SIPA1L2: variants seen among roughly 807,000 people sequenced by gnomAD.
SIPA1L2 encodes the protein signal induced proliferation associated 1 like 2.
A neutral mutation model predicts 163.9 loss-of-function variants in SIPA1L2; 56 were observed. The ratio of observed to expected loss-of-function variants is 0.34; its 90% CI spans 0.28 to 0.43. The LOEUF is 0.43. Among genes scored for constraint, SIPA1L2 ranks in the 20% least tolerant of loss-of-function variants. The pLI, the probability that SIPA1L2 is intolerant of heterozygous loss-of-function variation, is 1.00. For missense variants in SIPA1L2, 1,974 were observed against 2,193.5 expected, an observed-to-expected ratio of 0.90 and a Z score of 2.00; for synonymous variants, 877 against 865.7, an observed-to-expected ratio of 1.01 and a Z score of -0.23.
intron 1 of SIPA1L2, among the ~76,000 whole-genome samples, chr1:232,581,475 G>C (rs1002667055): frequency 3.3e-5 from 5 of 152,082 alleles, no homozygotes; most frequent in Non-Finnish European, 5.9e-5. Flanking sequence ...GAAAAAAGAG[G>C]CCTTCTGACA....
intron 11 of SIPA1L2, 30 bp from the exon 12 acceptor site, chr1:232,443,715 G>A: frequency 1.3e-6 from 2 of 1,574,004 alleles, no homozygotes; most frequent in Non-Finnish European, 8.7e-7. Context: ...CATTAACAGG[G>A]CACTGAACTA....
chr1:232,614,885 C>A lies in SIPA1L2; in HGVS notation c.-319+14984G>T, dbSNP rs183803174. ...GCATCCTTATCACTAAGTTTTCATTCTTTTGCATGTCTTCATTCAAGAACA... is the reference window on the plus strand; with the variant it reads ...GCATCCTTATCACTAAGTTTTCATTATTTTGCATGTCTTCATTCAAGAACA... On this transcript the variant is annotated intron_variant, in intron 1 of 22. Coordinates refer to ENST00000674635, the MANE Select transcript of SIPA1L2 (RefSeq NM_020808.5). Among the ~76,000 whole-genome samples the A allele has an allele frequency of 3.4e-3, 523 of 152,282 alleles. 3 individuals are homozygous for A. Among genetic ancestry groups the A allele is most frequent in the African/African-American group, 0.012 (501 of 41,562 alleles).
chr1:232,587,422 A>G (rs1015218977), intron 1 of SIPA1L2, among the ~76,000 whole-genome samples: 2 of 152,136 alleles, frequency 1.3e-5, no homozygotes, highest in Non-Finnish European at 2.9e-5. Flanking sequence ...TGTATGTCTT[A>G]AAGTCGTGGT....
intron 1 of SIPA1L2, among the ~76,000 whole-genome samples, chr1:232,605,931 C>A (rs1191319681): frequency 6.6e-6 from 1 of 152,188 alleles, no homozygotes; most frequent in African/African-American, 2.4e-5. Context: ...ATCCATCAGA[C>A]AATGCTGTAG....
intron 2 of SIPA1L2, among the ~76,000 whole-genome samples, chr1:232,526,356 A>G (rs1206754427): frequency 7.2e-6 from 1 of 139,096 alleles, no homozygotes; most frequent in Non-Finnish European, 1.6e-5. Context: ...CATTTTTGGC[A>G]CCAGGAACCG....
At chr1:232,581,628 T>A (rs1346311607) in intron 1 of SIPA1L2, among the ~76,000 whole-genome samples, 2 of 152,178 alleles carry the variant, frequency 1.3e-5, no homozygotes, top group East Asian at 3.9e-4. Context: ...GACACATCTG[T>A]TCAAAACTAT....
intron 2 of SIPA1L2, among the ~76,000 whole-genome samples, chr1:232,532,525 G>A (rs542250208): frequency 6.6e-6 from 1 of 152,294 alleles, no homozygotes; most frequent in South Asian, 2.1e-4. Context: ...TGTAAACTCA[G>A]CTATATGTTC....
chr1:232,416,061 C>G (rs564065152), intron 18 of SIPA1L2, among the ~76,000 whole-genome samples: 1 of 92,766 alleles, frequency 1.1e-5, no homozygotes, highest in East Asian at 2.5e-4. Flanking sequence ...ACTGTCCCTC[C>G]CAGAGTCAGT....
At position 232,462,522 on chromosome 1, in the gene SIPA1L2, G is replaced by A. The variant is rs1014494497; in HGVS notation, c.2821-1361C>T. ...CAATCAGCTTTTCCCAGACAGGCAT[G>A]ACAGTTCACGACTCAGCAAAATGCG... On this transcript the variant is annotated intron_variant, in intron 9 of 22. Coordinates refer to ENST00000674635, the MANE Select transcript of SIPA1L2 (RefSeq NM_020808.5). The A allele has an allele frequency of 2.0e-5, 10 of 492,346 alleles. No individual in the cohort carries two copies. In the East Asian group the frequency reaches 3.3e-4, roughly 16 times the overall value. The allele number at this position is 492,346 out of a possible 1,614,324, so 30.5% of individuals were successfully genotyped here. A position where few individuals can be genotyped will look rare whatever the true frequency, so the allele number is the denominator to read the frequency against.
At chr1:232,425,522 T>C (rs1198185058) in intron 18 of SIPA1L2, 67 bp downstream of exon 18, 8 of 1,262,068 alleles carry the variant, frequency 6.3e-6, no homozygotes, top group Non-Finnish European at 8.5e-6. Flanking sequence ...CAGAGCTCAA[T>C]GAGGCAGGAG....
intron 2 of SIPA1L2, among the ~76,000 whole-genome samples, chr1:232,518,813 C>A (rs530471439): frequency 2.6e-4 from 39 of 152,208 alleles, no homozygotes; most frequent in Middle Eastern, 3.4e-3. Flanking sequence ...ATTTTATCTA[C>A]GGTGCCTGGA....
chr1:232,585,097 C>T (rs542180308), intron 1 of SIPA1L2, among the ~76,000 whole-genome samples: 1 of 152,276 alleles, frequency 6.6e-6, no homozygotes, highest in South Asian at 2.1e-4. Flanking sequence ...AAAGTAGAAA[C>T]ACAAAGCTAA....
At chr1:232,423,506 T>C (rs1045843367) in intron 18 of SIPA1L2, among the ~76,000 whole-genome samples, 3 of 152,224 alleles carry the variant, frequency 2.0e-5, no homozygotes, top group African/African-American at 7.2e-5. Context: ...AGTTCATCCA[T>C]CAAGCCTAGA....
At chr1:232,479,868 C>T (rs1163289601) in intron 6 of SIPA1L2, 138 bp from the exon 7 acceptor site, 4 of 654,976 alleles carry the variant, frequency 6.1e-6, no homozygotes, top group Non-Finnish European at 1.1e-5. Flanking sequence ...TGCTGCCCAT[C>T]CAGCTTTCAT....
rs1350780893 is a variant in SIPA1L2 at position 232,513,142 on chromosome 1, T to C, written c.1483+715A>G. 2.0e-5 allele frequency among the ~76,000 whole-genome samples: 3 copies of C among 152,244 alleles called. No individual in the cohort carries two copies. In the East Asian group the frequency reaches 5.8e-4, roughly 29 times the overall value. On this transcript the variant is annotated intron_variant, in intron 3 of 22. Transcript: ENST00000674635. ...TGGAACCTGTTTCTCTGTAGGTCTTTAAATCAGAGAAGATTCTCCTAGCCC... is the reference window on the plus strand; with the variant it reads ...TGGAACCTGTTTCTCTGTAGGTCTTCAAATCAGAGAAGATTCTCCTAGCCC...
At chr1:232,541,940 T>A (rs982239421) in intron 2 of SIPA1L2, among the ~76,000 whole-genome samples, 1 of 151,310 alleles carries the variant, frequency 6.6e-6, no homozygotes, top group Non-Finnish European at 1.5e-5. Context: ...CTTAAATCTC[T>A]CTCTCTCTCT....
At chr1:232,547,572 G>A (rs1197345879) in intron 2 of SIPA1L2, among the ~76,000 whole-genome samples, 1 of 149,648 alleles carries the variant, frequency 6.7e-6, no homozygotes, top group East Asian at 2.0e-4. Context: ...GCCCGGGGTG[G>A]GGGCTGGGTG....
rs905457402 is a variant in SIPA1L2 at position 232,479,721 on chromosome 1, G to A, written c.1991C>T (p.Thr664Met). 6.8e-6 allele frequency: 11 copies of A among 1,612,902 alleles called. No individual in the cohort carries two copies. Among genetic ancestry groups the A allele is most frequent in the African/African-American group, 1.3e-5 (1 of 74,848 alleles). The stretch of plus-strand genomic sequence containing the variant: ...TGTGGTATAGAGAGAGTGCGTGCCC[G>A]TGGAATCAGCTGAAAACAAAGATGA... ...RAQLDNKTDS[T>M]GTHSLYTTYK... Residue 664 changes from threonine (T) to methionine (M), a missense_variant, in exon 7 of 23, where the codon ACG becomes ATG. Physicochemically the swap from Thr to Met is moderately conservative, Grantham distance 81. Coordinates refer to ENST00000674635, the MANE Select transcript of SIPA1L2 (RefSeq NM_020808.5).
chr1:232,621,765 T>A (rs1167795967), intron 1 of SIPA1L2, among the ~76,000 whole-genome samples: 1 of 151,810 alleles, frequency 6.6e-6, no homozygotes, highest in African/African-American at 2.4e-5. Context: ...AGGGTCTCAC[T>A]CTGTCACACA....
Sources: allele counts gnomAD v4.1 joint callset (sites outside exome capture counted in the v4.1 genomes callset), GRCh38; gene constraint gnomAD v4.1.1; transcripts MANE v1.5; gene names NCBI Gene and HGNC (gene_info 2026-07-23, HGNC 2026-07-21).